NTM: variants seen among roughly 807,000 people sequenced by gnomAD.
NTM encodes IgLON family member 2.
Under a neutral mutation model 42.1 loss-of-function variants are expected in NTM, and 13 were observed. That is an observed-to-expected ratio of 0.31 (90% CI 0.20 to 0.49). NTM has a LOEUF of 0.49. Ranked by LOEUF, NTM falls within the 20% of genes least tolerant of loss-of-function variation. The probability of loss-of-function intolerance (pLI) is 0.99; values close to 1 mark genes in which losing one functional copy is unlikely to be tolerated. For synonymous variants in NTM, 187 were observed against 179.2 expected (o/e 1.04, Z -0.35); for missense variants, 373 against 452.8 (o/e 0.82, Z 1.60).
intron 1 of NTM, among the ~76,000 whole-genome samples, chr11:131,626,106 A>G (rs2063079184): frequency 6.6e-6 from 1 of 152,112 alleles, no homozygotes; most frequent in South Asian, 2.1e-4. Context: ...TATTAAAATA[A>G]ATTTAATTTT....
chr11:131,874,977 T>C (rs1252681493), intron 1 of NTM, among the ~76,000 whole-genome samples: 1 of 152,164 alleles, frequency 6.6e-6, no homozygotes, highest in Non-Finnish European at 1.5e-5. Context: ...CCCTTCTTGG[T>C]GCCTATTTGT....
intron 2 of NTM, among the ~76,000 whole-genome samples, chr11:131,987,645 A>G (rs2066297409): frequency 6.6e-6 from 1 of 152,212 alleles, no homozygotes; most frequent in Non-Finnish European, 1.5e-5. Flanking sequence ...GCCTTGCAAA[A>G]TGGATTGAGT....
chr11:131,950,793 G>T (rs1404437875), intron 2 of NTM, among the ~76,000 whole-genome samples: 3 of 152,076 alleles, frequency 2.0e-5, no homozygotes, highest in Non-Finnish European at 4.4e-5. Flanking sequence ...TCTTCTCTAT[G>T]AACCCTTCTC....
At chr11:131,913,866 A>AG (rs1174996309) in intron 2 of NTM, among the ~76,000 whole-genome samples, 1 of 152,202 alleles carries the variant, frequency 6.6e-6, no homozygotes, top group Non-Finnish European at 1.5e-5. Context: ...GGAGCACTAC[A>AG]GGGCAGGGAT....
At chr11:132,155,123 G>A (rs181293510) in intron 3 of NTM, among the ~76,000 whole-genome samples, 45 of 152,264 alleles carry the variant, frequency 3.0e-4, no homozygotes, top group Admixed American at 2.2e-3. Context: ...TGTTGGCTCC[G>A]TTGGGGATTT....
At chr11:131,579,475 G>C (rs2058208889) in intron 1 of NTM, among the ~76,000 whole-genome samples, 1 of 152,108 alleles carries the variant, frequency 6.6e-6, no homozygotes, top group African/African-American at 2.4e-5. Context: ...ATTTTTAAAA[G>C]GTTTGAGAGG....
At chr11:131,790,479 C>T (rs10894447) in intron 1 of NTM, among the ~76,000 whole-genome samples, 50,207 of 152,038 alleles carry the variant, frequency 0.33, 10,229 homozygotes, top group East Asian at 0.47. Flanking sequence ...ATAGTAAAGT[C>T]TCCCCTACTG....
intron 2 of NTM, among the ~76,000 whole-genome samples, chr11:131,990,184 A>G (rs2066773999): frequency 6.6e-6 from 1 of 152,138 alleles, no homozygotes; most frequent in Non-Finnish European, 1.5e-5. Context: ...TTCAACTCTC[A>G]TAGCTGATAA....
chr11:132,001,468 G>A (rs1415587769), intron 2 of NTM, among the ~76,000 whole-genome samples: 1 of 152,208 alleles, frequency 6.6e-6, no homozygotes, highest in African/African-American at 2.4e-5. Flanking sequence ...TGTACAGGAA[G>A]CAAAGCATGG....
chr11:131,462,918 C>A (rs1045293407), intron 1 of NTM, among the ~76,000 whole-genome samples: 1 of 151,438 alleles, frequency 6.6e-6, no homozygotes, highest in African/African-American at 2.4e-5. Flanking sequence ...AAAAGGCTAA[C>A]CTGGAACTAG....
intron 2 of NTM, among the ~76,000 whole-genome samples, chr11:132,119,282 A>G (rs1158097281): frequency 6.6e-6 from 1 of 152,238 alleles, no homozygotes; most frequent in Non-Finnish European, 1.5e-5. Flanking sequence ...TGAAGGGTGC[A>G]CTGCTACAGT....
intron 1 of NTM, among the ~76,000 whole-genome samples, chr11:131,543,802 G>A (rs564229778): frequency 7.9e-5 from 12 of 152,308 alleles, no homozygotes; most frequent in East Asian, 3.9e-4. Context: ...CAGTCTAGCC[G>A]CTTATGCAGG....
At chr11:132,248,968 C>T (rs1206614640) in intron 4 of NTM, among the ~76,000 whole-genome samples, 1 of 152,182 alleles carries the variant, frequency 6.6e-6, no homozygotes, top group Non-Finnish European at 1.5e-5. Context: ...CTGGTGTTTC[C>T]CATACCAACT....
At chr11:131,779,897 G>A (rs2087744841) in intron 1 of NTM, among the ~76,000 whole-genome samples, 1 of 152,168 alleles carries the variant, frequency 6.6e-6, no homozygotes, top group African/African-American at 2.4e-5. Flanking sequence ...ATACCTTAGA[G>A]AAGCACTACT....
chr11:132,054,990 C>G (rs2079400156), intron 2 of NTM, among the ~76,000 whole-genome samples: 1 of 152,126 alleles, frequency 6.6e-6, no homozygotes, highest in South Asian at 2.1e-4. Flanking sequence ...ATTCCAAGGG[C>G]TTGGTGTGAG....
intron 1 of NTM, among the ~76,000 whole-genome samples, chr11:131,598,919 C>T (rs191937658): frequency 8.0e-4 from 112 of 139,890 alleles, no homozygotes; most frequent in Middle Eastern, 7.1e-3. Flanking sequence ...TTCCTTCCTT[C>T]CTTCTTTCCT....
intron 2 of NTM, among the ~76,000 whole-genome samples, chr11:132,068,557 T>G (rs1467462563): frequency 6.6e-6 from 1 of 152,250 alleles, no homozygotes; most frequent in Non-Finnish European, 1.5e-5. Flanking sequence ...ACTTACAAGT[T>G]CTTTGAGCCT....
chr11:131,520,487 C>G (rs1193821000), intron 1 of NTM, among the ~76,000 whole-genome samples: 1 of 152,156 alleles, frequency 6.6e-6, no homozygotes, highest in Non-Finnish European at 1.5e-5. Flanking sequence ...TGTCTCATCT[C>G]TTTGATGTCT....
intron 2 of NTM, among the ~76,000 whole-genome samples, chr11:131,998,044 C>G (rs2068415326): frequency 6.6e-6 from 1 of 151,958 alleles, no homozygotes; most frequent in African/African-American, 2.4e-5. Context: ...CCATGGTGTT[C>G]CCCTCCTCTT....
Sources: gnomAD v4.1 joint callset for allele counts (sites outside exome capture counted in the v4.1 genomes callset) on GRCh38, gnomAD v4.1.1 for gene constraint, MANE v1.5 for transcripts, NCBI Gene and HGNC (gene_info 2026-07-23, HGNC 2026-07-21) for gene names.